Variants in CDK6 observed in about 807,000 individuals in gnomAD.
CDK6 encodes the protein cyclin dependent kinase 6, also known as cyclin-dependent kinase 6.
In CDK6, 6 loss-of-function variants were observed where a neutral mutation model predicts 37.1. The ratio of observed to expected loss-of-function variants is 0.16; its 90% CI spans 0.09 to 0.32. The LOEUF is 0.32. Ranked by LOEUF, CDK6 falls within the 10% of genes least tolerant of loss-of-function variation. CDK6 has a pLI of 1.00. For missense variants in CDK6, 224 were observed against 418.9 expected (o/e 0.53, Z 4.06); for synonymous variants, 160 against 161.3 (o/e 0.99, Z 0.06).
rs187910132 is a variant in CDK6, at chr7:92,675,827, C to T, written c.538-4292G>A. Among the ~76,000 whole-genome samples, 8 of 152,186 alleles carry T rather than the reference C, an allele frequency of 5.3e-5. No homozygotes were observed. The South Asian group carries it at 8.3e-4, about 16-fold the overall frequency. On this transcript the variant is annotated intron_variant, in intron 4 of 7. Transcript: ENST00000424848. ...TTCGTAATGATAAAGGATTTTCCTA[C>T]GAACATTCTTAATCTAGATTTAAAA... is the stretch of plus-strand genomic sequence containing the variant.
chr7:92,625,531 GCAAAAAAAAA>G (rs1033705803), intron 5 of CDK6, among the ~76,000 whole-genome samples: 3 of 117,596 alleles, frequency 2.6e-5, no homozygotes, highest in African/African-American at 8.9e-5. Flanking sequence ...ATGCAGTTTT[GCAAAAAAAAA>G]CAAAACAAAA....
chr7:92,672,242 C>CACACACACACACACACACACAT (rs1374477819), intron 4 of CDK6, among the ~76,000 whole-genome samples: 30 of 116,558 alleles, frequency 2.6e-4, no homozygotes, highest in African/African-American at 1.0e-3. Flanking sequence ...CACACACACA[C>CACACACACACACACACACACAT]ATATATGAAG....
chr7:92,659,639 A>AC (rs200825136), intron 5 of CDK6, among the ~76,000 whole-genome samples: 20,152 of 149,376 alleles, frequency 0.13, 1,784 homozygotes, highest in African/African-American at 0.26. Flanking sequence ...CACACACCAC[A>AC]CACACACACA....
intron 5 of CDK6, among the ~76,000 whole-genome samples, chr7:92,644,882 A>G (rs1249990832): frequency 6.6e-6 from 1 of 152,192 alleles, no homozygotes; most frequent in Non-Finnish European, 1.5e-5. Flanking sequence ...GGGCCTCCAG[A>G]TTGTGAGGCC....
intron 2 of CDK6, among the ~76,000 whole-genome samples, chr7:92,831,954 A>G (rs1330837823): frequency 6.6e-6 from 1 of 152,240 alleles, no homozygotes; most frequent in Non-Finnish European, 1.5e-5. Flanking sequence ...TTTTACAAAA[A>G]TATTTAGCTG....
intron 5 of CDK6, among the ~76,000 whole-genome samples, chr7:92,653,316 A>G (rs1796617145): frequency 6.6e-6 from 1 of 152,146 alleles, no homozygotes; most frequent in South Asian, 2.1e-4. Context: ...CCCACATCAC[A>G]AGCAGCCCTA....
At chr7:92,734,695 A>G (rs1462427250) in intron 3 of CDK6, among the ~76,000 whole-genome samples, 1 of 152,236 alleles carries the variant, frequency 6.6e-6, no homozygotes, top group Non-Finnish European at 1.5e-5. Context: ...GAGGAATGCG[A>G]TAAAACTCCA....
At chr7:92,771,639 C>A (rs1296618391) in intron 3 of CDK6, among the ~76,000 whole-genome samples, 1 of 152,152 alleles carries the variant, frequency 6.6e-6, no homozygotes, top group African/African-American at 2.4e-5. Context: ...TCCTTCAGAG[C>A]AGGTCCTCTC....
At chr7:92,706,493 A>G (rs1303866723) in intron 4 of CDK6, among the ~76,000 whole-genome samples, 1 of 152,220 alleles carries the variant, frequency 6.6e-6, no homozygotes, top group African/African-American at 2.4e-5. Context: ...CTTCCACTCT[A>G]TAGAGATTAA....
At chr7:92,735,041 CA>C (rs1798751896) in intron 3 of CDK6, among the ~76,000 whole-genome samples, 1 of 152,160 alleles carries the variant, frequency 6.6e-6, no homozygotes, top group Non-Finnish European at 1.5e-5. Context: ...TTCCACAGAT[CA>C]AATCACTTTG....
At chr7:92,746,255 G>A (rs1409157511) in intron 3 of CDK6, among the ~76,000 whole-genome samples, 1 of 152,032 alleles carries the variant, frequency 6.6e-6, no homozygotes, top group Non-Finnish European at 1.5e-5. Flanking sequence ...CTTGTACCAG[G>A]ATTTCTCTGA....
intron 4 of CDK6, chr7:92,724,901 C>T (rs1273592129): frequency 2.0e-6 from 1 of 507,994 alleles, no homozygotes. Flanking sequence ...CCAGGCTGCT[C>T]TTTTTGTATT....
At position 92,834,059 on chromosome 7, in the gene CDK6, A is replaced by AT; in HGVS notation, c.-367-370dup. ...ATGTCACGGCTTAATATTTATCCCTATATCATTGTGTTGCGCCGCTACCCT... is the reference window on the plus strand; with the variant it reads ...ATGTCACGGCTTAATATTTATCCCTATTATCATTGTGTTGCGCCGCTACCCT... On this transcript the variant is annotated intron_variant, in intron 1 of 7. Coordinates refer to ENST00000424848, the MANE Select transcript of CDK6 (RefSeq NM_001145306.2). This position sits in a 1 kb window ranked among gnomAD's most constrained non-coding sequence, Gnocchi z 4.6. 2.6e-6 allele frequency: 1 copy of AT among 389,248 alleles called. No individual in the cohort carries two copies. Among genetic ancestry groups the AT allele is most frequent in the East Asian group, 3.6e-5 (1 of 27,436 alleles). The allele number at this position is 389,248 out of a possible 1,614,324, so 24.1% of individuals were successfully genotyped here. A position where few individuals can be genotyped will look rare whatever the true frequency, so the allele number is the denominator to read the frequency against.
chr7:92,792,892 T>TG (rs1264256429), intron 2 of CDK6, among the ~76,000 whole-genome samples: 1 of 151,748 alleles, frequency 6.6e-6, no homozygotes, highest in Non-Finnish European at 1.5e-5. Context: ...GACGGAATCT[T>TG]GGAGGCAAAA....
chr7:92,658,731 A>G (rs1380315097), intron 5 of CDK6, among the ~76,000 whole-genome samples: 1 of 152,200 alleles, frequency 6.6e-6, no homozygotes, highest in African/African-American at 2.4e-5. Flanking sequence ...TTTTACAACC[A>G]GACTATGTTA....
chr7:92,801,400 GCTCT>G lies in CDK6; in HGVS notation c.234-26573_234-26570del, dbSNP rs144592915. On this transcript the variant is annotated intron_variant, in intron 2 of 7. Coordinates refer to ENST00000424848, the MANE Select transcript of CDK6 (RefSeq NM_001145306.2). ...CTTAAATAACTGTACATACATGCGT[GCTCT>G]CTCTCTCTCTCTATCTGAAATTACA... Among the ~76,000 whole-genome samples the G allele has an allele frequency of 5.5e-3, 819 of 150,052 alleles. 7 individuals carry two copies. The highest frequency in any genetic ancestry group is 0.018 in the African/African-American group (751 of 41,120).
Position 92,611,244 on chromosome 7 carries a change from A to C in CDK6, c.*3896T>G, listed in dbSNP as rs1769223389. The C allele has an allele frequency of 4.4e-6, 1 of 225,424 alleles. No homozygotes were observed. The highest frequency in any genetic ancestry group is 2.2e-5 in the African/African-American group (1 of 44,898). The allele number at this position is 225,424 out of a possible 1,614,324, so 14.0% of individuals were successfully genotyped here. On this transcript the variant is annotated 3_prime_UTR_variant, in exon 8 of 8. Transcript: ENST00000424848. ...AACATGCATTCTTTTGAATTATATA[A>C]ATATCTAAGAGTTTATAATAACATT...
chr7:92,615,043 T>A lies in CDK6; in HGVS notation c.*97A>T. On this transcript the variant is annotated 3_prime_UTR_variant, in exon 8 of 8. Coordinates refer to ENST00000424848, the MANE Select transcript of CDK6 (RefSeq NM_001145306.2). The stretch of plus-strand genomic sequence containing the variant: ...AGACAGCAGCTGGAAGGCCTCCAGA[T>A]AGCAATCCTCCACAGCTCTGTAGGG... 7.7e-7 allele frequency: 1 copy of A among 1,301,178 alleles called. No homozygotes were observed. The highest frequency in any genetic ancestry group is 1.4e-5 in the South Asian group (1 of 70,980). 80.6% of individuals were successfully genotyped at this position (1,301,178 alleles called of 1,614,324 possible). A position where few individuals can be genotyped will look rare whatever the true frequency, so the allele number is the denominator to read the frequency against.
intron 3 of CDK6, among the ~76,000 whole-genome samples, chr7:92,772,467 C>T (rs563629705): frequency 6.6e-6 from 1 of 152,038 alleles, no homozygotes; most frequent in South Asian, 2.1e-4. Context: ...TTAACAGCCT[C>T]CAGGACAATC....
Sources: allele counts gnomAD v4.1 joint callset (sites outside exome capture counted in the v4.1 genomes callset), GRCh38; gene constraint gnomAD v4.1.1; non-coding constraint Gnocchi (gnomAD v3.1); transcripts MANE v1.5; gene names NCBI Gene and HGNC (gene_info 2026-07-23, HGNC 2026-07-21).